The following DCLK2 variants were observed in gnomAD, a reference collection of about 807,000 sequenced individuals.
The protein encoded by DCLK2 is doublecortin like kinase 2.
A neutral mutation model predicts 78.4 loss-of-function variants in DCLK2; 31 were observed. The ratio of observed to expected loss-of-function variants is 0.40; its 90% CI spans 0.30 to 0.53. The LOEUF (loss-of-function observed/expected upper bound fraction) is 0.53. Among genes scored for constraint, DCLK2 ranks in the 20% least tolerant of loss-of-function variants. DCLK2 has a pLI of 0.61. For synonymous variants in DCLK2, 407 were observed against 374.9 expected (o/e 1.09, Z -0.99); for missense variants, 872 against 973.7 (o/e 0.90, Z 1.39).
chr4:150,149,956 TG>T (rs1350878551), intron 2 of DCLK2, among the ~76,000 whole-genome samples: 1 of 152,220 alleles, frequency 6.6e-6, no homozygotes, highest in Non-Finnish European at 1.5e-5. Context: ...TGTTTTTAAA[TG>T]AATGTCTTTT....
chr4:150,242,064 T>G (rs574879186), intron 12 of DCLK2, among the ~76,000 whole-genome samples: 4 of 152,330 alleles, frequency 2.6e-5, no homozygotes, highest in African/African-American at 9.6e-5. Flanking sequence ...CTTTCAAACA[T>G]ACAGAAAAGT....
In DCLK2 at chr4:150,166,528, A is replaced by G. The variant is rs577262467; in HGVS notation, c.757-26610A>G. Among the ~76,000 whole-genome samples the G allele has an allele frequency of 1.4e-4, 22 of 152,156 alleles. No individual in the cohort carries two copies. In the East Asian group the frequency reaches 2.3e-3, roughly 16 times the overall value. Reference sequence around the variant, plus strand: ...TACAAAAAACAAAAACCGATATTCTACTTGTCCCCAGCATTCTTCATTACT... The same window carrying G: ...TACAAAAAACAAAAACCGATATTCTGCTTGTCCCCAGCATTCTTCATTACT... On this transcript the variant is annotated intron_variant, in intron 2 of 15. Transcript: ENST00000296550.
chr4:150,158,259 A>C (rs1480195103), intron 2 of DCLK2, among the ~76,000 whole-genome samples: 1 of 152,134 alleles, frequency 6.6e-6, no homozygotes, highest in Non-Finnish European at 1.5e-5. Context: ...TCTTATAAGG[A>C]CACTGGTCAC....
At chr4:150,124,637 A>C (rs1732796452) in intron 2 of DCLK2, among the ~76,000 whole-genome samples, 1 of 152,220 alleles carries the variant, frequency 6.6e-6, no homozygotes. Flanking sequence ...AATGCAAATT[A>C]AAAAGTTTTT....
intron 2 of DCLK2, among the ~76,000 whole-genome samples, chr4:150,150,730 C>T (rs1342475203): frequency 1.3e-5 from 2 of 152,136 alleles, no homozygotes; most frequent in Non-Finnish European, 2.9e-5. Flanking sequence ...GCCTAATGCC[C>T]CAAAATAGAG....
At chr4:150,102,326 G>A (rs892174249) in intron 1 of DCLK2, 152 bp from the exon 2 acceptor site, 1 of 681,436 alleles carries the variant, frequency 1.5e-6, no homozygotes, top group Non-Finnish European at 2.4e-6. Flanking sequence ...AAGGAAGGTG[G>A]GAGAATGCCA....
chr4:150,182,392 T>A (rs1560842355), intron 2 of DCLK2, among the ~76,000 whole-genome samples: 1 of 152,082 alleles, frequency 6.6e-6, no homozygotes, highest in Non-Finnish European at 1.5e-5. Context: ...GGTAGAACTG[T>A]TTAAGAAAAA....
chr4:150,203,462 A>G (rs749940355), intron 4 of DCLK2, among the ~76,000 whole-genome samples: 4 of 152,220 alleles, frequency 2.6e-5, no homozygotes, highest in Non-Finnish European at 5.9e-5. Context: ...CATTACAAAT[A>G]TAACAGCCAT....
intron 2 of DCLK2, among the ~76,000 whole-genome samples, chr4:150,179,024 ATTTCT>A (rs773741765): frequency 9.2e-5 from 14 of 152,062 alleles, no homozygotes; most frequent in African/African-American, 2.9e-4. Context: ...AATAGTCAAG[ATTTCT>A]TTTCTTTTCT....
At chr4:150,249,213 G>T (rs1233762394) in intron 14 of DCLK2, among the ~76,000 whole-genome samples, 1 of 152,050 alleles carries the variant, frequency 6.6e-6, no homozygotes, top group African/African-American at 2.4e-5. Context: ...GAAAAACAAT[G>T]ATCTTTGATG....
chr4:150,091,823 C>T (rs1194660277), intron 1 of DCLK2, among the ~76,000 whole-genome samples: 3 of 150,662 alleles, frequency 2.0e-5, no homozygotes, highest in African/African-American at 7.3e-5. Context: ...GTGTTAGGAA[C>T]ACTTAACATG....
intron 1 of DCLK2, among the ~76,000 whole-genome samples, chr4:150,081,739 C>G (rs936418221): frequency 6.6e-6 from 1 of 151,394 alleles, no homozygotes; most frequent in African/African-American, 2.4e-5. Context: ...CGTCTGTAAT[C>G]TCAGCACTTT....
chr4:150,092,580 C>T (rs1297781944), intron 1 of DCLK2, among the ~76,000 whole-genome samples: 2 of 152,072 alleles, frequency 1.3e-5, no homozygotes, highest in Non-Finnish European at 2.9e-5. Context: ...TATACTTGGC[C>T]ATTTGTATGT....
chr4:150,216,653 T>C (rs1397550596), intron 5 of DCLK2, among the ~76,000 whole-genome samples: 1 of 152,056 alleles, frequency 6.6e-6, no homozygotes, highest in African/African-American at 2.4e-5. Flanking sequence ...AAAAAAGTTA[T>C]TAGCAGAAGA....
At chr4:150,155,008 A>G (rs1256129819) in intron 2 of DCLK2, among the ~76,000 whole-genome samples, 2 of 152,138 alleles carry the variant, frequency 1.3e-5, no homozygotes, top group Admixed American at 1.3e-4. Context: ...AGGCGGGTGG[A>G]TCACTTGATC....
chr4:150,188,052 G>A (rs2126330716), intron 2 of DCLK2, among the ~76,000 whole-genome samples: 1 of 152,246 alleles, frequency 6.6e-6, no homozygotes, highest in South Asian at 2.1e-4. Flanking sequence ...GCACCCCTTG[G>A]CCTCCCAAAG....
chr4:150,100,534 T>A (rs1013582951), intron 1 of DCLK2, among the ~76,000 whole-genome samples: 2 of 152,046 alleles, frequency 1.3e-5, no homozygotes, highest in African/African-American at 2.4e-5. Flanking sequence ...CTGCCCTTTT[T>A]AAAAAAAATT....
intron 8 of DCLK2, among the ~76,000 whole-genome samples, chr4:150,228,245 A>C (rs1382003601): frequency 6.6e-6 from 1 of 152,200 alleles, no homozygotes; most frequent in African/African-American, 2.4e-5. Context: ...AATATTTGCA[A>C]GTTGCAGGGA....
intron 5 of DCLK2, among the ~76,000 whole-genome samples, chr4:150,212,812 GT>G: frequency 1.3e-5 from 2 of 152,338 alleles, no homozygotes; most frequent in South Asian, 4.1e-4. Flanking sequence ...TGGCATATGT[GT>G]TAAACTTAAA....
Sources: allele counts gnomAD v4.1 joint callset (sites outside exome capture counted in the v4.1 genomes callset), GRCh38; gene constraint gnomAD v4.1.1; transcripts MANE v1.5; gene names NCBI Gene and HGNC (gene_info 2026-07-23, HGNC 2026-07-21).